The following PRKG1 variants were observed in gnomAD, a reference collection of about 807,000 sequenced individuals.
PRKG1 encodes the protein cGMP-dependent protein kinase 1.
In PRKG1, 35 loss-of-function variants were observed where a neutral mutation model predicts 88.1. The observed-to-expected ratio is 0.40, with a 90% CI of 0.30 to 0.53. The LOEUF (loss-of-function observed/expected upper bound fraction) is 0.53, where lower values mean the gene tolerates loss of function less well. Among genes scored for constraint, PRKG1 ranks in the 20% least tolerant of loss-of-function variants. PRKG1 has a pLI of 0.59. For synonymous variants in PRKG1, 303 were observed against 292.5 expected (o/e 1.04, Z -0.37); for missense variants, 540 against 839.8 (o/e 0.64, Z 4.41).
chr10:51,240,535 A>G (rs1049849017), intron 2 of PRKG1, among the ~76,000 whole-genome samples: 30 of 152,216 alleles, frequency 2.0e-4, no homozygotes, highest in African/African-American at 6.3e-4. Flanking sequence ...TTGTCTCATC[A>G]GTAGTTCTGA....
intron 5 of PRKG1, among the ~76,000 whole-genome samples, chr10:52,028,761 AAC>A (rs1306025549): frequency 6.6e-6 from 1 of 152,212 alleles, no homozygotes; most frequent in Non-Finnish European, 1.5e-5. Context: ...CATTATATGT[AAC>A]ACACATAGTG....
chr10:51,204,492 T>C (rs1474006001), intron 2 of PRKG1, among the ~76,000 whole-genome samples: 8 of 152,114 alleles, frequency 5.3e-5, no homozygotes, highest in African/African-American at 1.9e-4. Context: ...AGTATACTTG[T>C]TCTATGCTTT....
chr10:51,965,214 C>T (rs2454573), intron 5 of PRKG1, among the ~76,000 whole-genome samples: 32,700 of 151,916 alleles, frequency 0.22, 4,021 homozygotes, highest in Admixed American at 0.28. Flanking sequence ...GTTATTTTTC[C>T]TGATTCTTTC....
intron 3 of PRKG1, among the ~76,000 whole-genome samples, chr10:51,627,601 G>A (rs1414839427): frequency 6.6e-6 from 1 of 152,048 alleles, no homozygotes; most frequent in Non-Finnish European, 1.5e-5. Flanking sequence ...TTGTTTTCTG[G>A]AATCATTAGG....
At chr10:51,871,169 T>A (rs1170838854) in intron 4 of PRKG1, among the ~76,000 whole-genome samples, 3 of 152,218 alleles carry the variant, frequency 2.0e-5, no homozygotes, top group Non-Finnish European at 2.9e-5. Flanking sequence ...TCTCTCAGAC[T>A]TCCTCAGTCC....
chr10:52,190,161 A>C (rs1839327923), intron 9 of PRKG1, among the ~76,000 whole-genome samples: 2 of 152,204 alleles, frequency 1.3e-5, no homozygotes, highest in Admixed American at 6.5e-5. Context: ...GGAGCCCATA[A>C]ATTTTTAAGC....
chr10:52,122,639 G>A (rs1847846364), intron 7 of PRKG1, among the ~76,000 whole-genome samples: 2 of 152,280 alleles, frequency 1.3e-5, no homozygotes, highest in African/African-American at 4.8e-5. Context: ...TCTCCCTGGG[G>A]TGACATTCTT....
At chr10:51,640,227 C>G (rs944376094) in intron 3 of PRKG1, among the ~76,000 whole-genome samples, 1 of 152,130 alleles carries the variant, frequency 6.6e-6, no homozygotes, top group African/African-American at 2.4e-5. Flanking sequence ...AGCTGGCCGC[C>G]CTGCTTATCA....
At chr10:51,531,733 C>T (rs1048351958) in intron 3 of PRKG1, among the ~76,000 whole-genome samples, 1 of 147,270 alleles carries the variant, frequency 6.8e-6, no homozygotes, top group African/African-American at 2.5e-5. Flanking sequence ...CAACCTCCAC[C>T]TCCTGGGTTC....
At chr10:51,164,125 C>G (rs927708012) in intron 2 of PRKG1, among the ~76,000 whole-genome samples, 16 of 152,288 alleles carry the variant, frequency 1.1e-4, no homozygotes, top group Non-Finnish European at 1.8e-4. Flanking sequence ...GACCCCCGAG[C>G]AGCCTAACTG....
intron 3 of PRKG1, among the ~76,000 whole-genome samples, chr10:51,521,110 A>T (rs1841725288): frequency 6.6e-6 from 1 of 152,218 alleles, no homozygotes; most frequent in Non-Finnish European, 1.5e-5. Flanking sequence ...AACATGGGGA[A>T]ACCCTGTCTC....
chr10:51,814,441 T>A (rs115186463), intron 4 of PRKG1, among the ~76,000 whole-genome samples: 2 of 151,986 alleles, frequency 1.3e-5, no homozygotes, highest in Non-Finnish European at 2.9e-5. Context: ...AACTTAATTT[T>A]TTTTTGTTTG....
At chr10:51,548,702 C>G (rs1229333023) in intron 3 of PRKG1, among the ~76,000 whole-genome samples, 2 of 152,060 alleles carry the variant, frequency 1.3e-5, no homozygotes, top group Non-Finnish European at 2.9e-5. Context: ...TTTATGGAGG[C>G]ATTTGAGTTA....
intron 4 of PRKG1, among the ~76,000 whole-genome samples, chr10:51,837,687 A>G (rs527909069): frequency 6.6e-6 from 1 of 152,172 alleles, no homozygotes; most frequent in African/African-American, 2.4e-5. Context: ...CTCCAGTAGC[A>G]TTTACCACAC....
At chr10:52,271,530 G>A (rs764688351) in intron 11 of PRKG1, 41 bp downstream of exon 11, 51 of 1,592,820 alleles carry the variant, frequency 3.2e-5, no homozygotes, top group Non-Finnish European at 4.1e-5. Flanking sequence ...CCAACTCCAA[G>A]TGACAAATCC....
At chr10:52,204,632 C>T (rs1839767567) in intron 9 of PRKG1, among the ~76,000 whole-genome samples, 2 of 152,168 alleles carry the variant, frequency 1.3e-5, no homozygotes, top group Admixed American at 1.3e-4. Context: ...AATCAATACT[C>T]TTGTGATTTC....
At chr10:52,169,712 G>T (rs1312514720) in intron 9 of PRKG1, among the ~76,000 whole-genome samples, 1 of 152,174 alleles carries the variant, frequency 6.6e-6, no homozygotes, top group Non-Finnish European at 1.5e-5. Flanking sequence ...AGCCCGCCTT[G>T]CAAAGGCTAC....
intron 5 of PRKG1, among the ~76,000 whole-genome samples, chr10:51,997,905 G>A (rs534847194): frequency 4.0e-4 from 60 of 151,088 alleles, no homozygotes; most frequent in African/African-American, 1.5e-3. Context: ...GTCTTACTCT[G>A]CTGACCATAA....
intron 3 of PRKG1, among the ~76,000 whole-genome samples, chr10:51,598,913 T>A (rs1233523090): frequency 1.3e-5 from 2 of 152,056 alleles, no homozygotes; most frequent in Non-Finnish European, 2.9e-5. Context: ...TTTGCATGTG[T>A]AGGGGAGCAT....
Sources: allele counts gnomAD v4.1 joint callset (sites outside exome capture counted in the v4.1 genomes callset), GRCh38; gene constraint gnomAD v4.1.1; transcripts MANE v1.5; gene names NCBI Gene and HGNC (gene_info 2026-07-23, HGNC 2026-07-21).